SETBP1: variants seen among roughly 807,000 people sequenced by gnomAD.
SETBP1 encodes SET binding protein 1.
In SETBP1, 9 loss-of-function variants were observed where a neutral mutation model predicts 101.0. The ratio of observed to expected loss-of-function variants is 0.09; its 90% CI spans 0.05 to 0.16. The LOEUF is 0.16. Ranked by LOEUF, SETBP1 falls within the 10% of genes least tolerant of loss-of-function variation. SETBP1 has a pLI of 1.00. For missense variants in SETBP1, 1,858 were observed against 2,033.8 expected, an observed-to-expected ratio of 0.91 and a Z score of 1.66; for synonymous variants, 818 against 788.5, an observed-to-expected ratio of 1.04 and a Z score of -0.63.
intron 2 of SETBP1, among the ~76,000 whole-genome samples, chr18:44,868,712 G>A (rs7241261): frequency 0.079 from 2,110 of 26,640 alleles, 239 homozygotes; most frequent in African/African-American, 0.2. Context: ...GGAAGGAAGG[G>A]AGGAAGGAAG....
At chr18:44,940,072 T>G (rs2071052549) in intron 3 of SETBP1, among the ~76,000 whole-genome samples, 1 of 152,180 alleles carries the variant, frequency 6.6e-6, no homozygotes, top group African/African-American at 2.4e-5. Context: ...ACAAACAAAT[T>G]TAGGATGATT....
chr18:44,855,550 G>T (rs2072958231), intron 2 of SETBP1, among the ~76,000 whole-genome samples: 1 of 152,154 alleles, frequency 6.6e-6, no homozygotes, highest in Non-Finnish European at 1.5e-5. Context: ...CACACCAGTG[G>T]TGCATTGGGG....
At chr18:44,867,688 C>T (rs1443576420) in intron 2 of SETBP1, among the ~76,000 whole-genome samples, 1 of 152,216 alleles carries the variant, frequency 6.6e-6, no homozygotes, top group Admixed American at 6.5e-5. Context: ...GCTGCCTGCC[C>T]CCAAGACACC....
At chr18:44,780,663 A>G (rs1402264173) in intron 2 of SETBP1, among the ~76,000 whole-genome samples, 1 of 152,204 alleles carries the variant, frequency 6.6e-6, no homozygotes, top group Non-Finnish European at 1.5e-5. Context: ...CAAGCTCTGT[A>G]CTAGACCCCA....
At chr18:44,906,318 G>A (rs1275058835) in intron 3 of SETBP1, among the ~76,000 whole-genome samples, 1 of 152,144 alleles carries the variant, frequency 6.6e-6, no homozygotes, top group Non-Finnish European at 1.5e-5. Flanking sequence ...TCTTCTGATA[G>A]TAGTCCTAGC....
At chr18:44,990,890 G>A (rs1338066843) in intron 4 of SETBP1, among the ~76,000 whole-genome samples, 2 of 70,466 alleles carry the variant, frequency 2.8e-5, no homozygotes, top group Non-Finnish European at 5.4e-5. Context: ...TAAACAGATA[G>A]AACTAAAGGT....
At chr18:44,887,632 G>C (rs1007101428) in intron 3 of SETBP1, among the ~76,000 whole-genome samples, 1 of 152,136 alleles carries the variant, frequency 6.6e-6, no homozygotes, top group African/African-American at 2.4e-5. Context: ...GTGTGCACAG[G>C]CTCAGGCCAA....
intron 4 of SETBP1, among the ~76,000 whole-genome samples, chr18:45,025,702 A>G (rs539973666): frequency 1.3e-5 from 2 of 152,364 alleles, no homozygotes; most frequent in East Asian, 3.9e-4. Flanking sequence ...CTCAAAAGAC[A>G]TGACTACTTA....
rs145996171 is a variant in SETBP1, at chr18:45,063,141, C to T, written c.4234C>T (p.Arg1412Trp). Reference protein sequence around the residue: ...REIEAIQCEVRKMCNYTKILS... With the variant: ...REIEAIQCEVWKMCNYTKILS... ...GATCGAAGCCATCCAGTGCGAAGTGCGGAAGATGTGCAACTACACCAAGAT... is the reference window on the plus strand; with the variant it reads ...GATCGAAGCCATCCAGTGCGAAGTGTGGAAGATGTGCAACTACACCAAGAT... Residue 1412 changes from arginine to tryptophan, a missense_variant, in exon 6 of 6, where the codon CGG becomes TGG. Arg to Trp is a moderately radical substitution (Grantham distance 101, BLOSUM62 -3). This residue lies in a region of SETBP1 where 417 missense variants were observed against 389.1 expected (regional missense o/e 1.07). Coordinates refer to ENST00000649279, the MANE Select transcript of SETBP1 (RefSeq NM_015559.3). 3.1e-6 allele frequency: 5 copies of T among 1,613,876 alleles called. No homozygotes were observed. Among genetic ancestry groups the T allele is most frequent in the Non-Finnish European group, 4.2e-6 (5 of 1,179,986 alleles).
intron 2 of SETBP1, among the ~76,000 whole-genome samples, chr18:44,751,586 T>C (rs1174233161): frequency 6.6e-6 from 1 of 152,262 alleles, no homozygotes; most frequent in Admixed American, 6.5e-5. Flanking sequence ...TTTGTCATTT[T>C]GTTTCTTGCA....
At chr18:44,702,850 G>A (rs2069141618) in intron 2 of SETBP1, among the ~76,000 whole-genome samples, 1 of 152,194 alleles carries the variant, frequency 6.6e-6, no homozygotes. Context: ...TGATTGGCCT[G>A]AATCTCTGTC....
chr18:44,739,030 A>G (rs967334043), intron 2 of SETBP1, among the ~76,000 whole-genome samples: 4 of 152,168 alleles, frequency 2.6e-5, no homozygotes, highest in Admixed American at 6.5e-5. Flanking sequence ...AGCTTCTAGA[A>G]GCTGCTGTCA....
chr18:44,973,811 G>A (rs371084566), intron 4 of SETBP1, among the ~76,000 whole-genome samples: 1 of 152,164 alleles, frequency 6.6e-6, no homozygotes, highest in East Asian at 1.9e-4. Flanking sequence ...CAGAGGAGGG[G>A]CAGACACGCC....
intron 2 of SETBP1, among the ~76,000 whole-genome samples, chr18:44,772,385 A>G (rs2070893001): frequency 6.6e-6 from 1 of 152,174 alleles, no homozygotes; most frequent in Non-Finnish European, 1.5e-5. Flanking sequence ...TGGAGAGCAC[A>G]GGGCTAGGCC....
intron 4 of SETBP1, among the ~76,000 whole-genome samples, chr18:45,033,001 T>TTA (rs2145472932): frequency 6.6e-6 from 1 of 152,312 alleles, no homozygotes; most frequent in Admixed American, 6.5e-5. Context: ...AATAAAATTT[T>TTA]TATTGACTTT....
intron 4 of SETBP1, among the ~76,000 whole-genome samples, chr18:44,983,672 G>C (rs2072164168): frequency 6.6e-6 from 1 of 152,126 alleles, no homozygotes; most frequent in Non-Finnish European, 1.5e-5. Context: ...TGCCAGCTGA[G>C]TGCTTTCTTC....
intron 1 of SETBP1, among the ~76,000 whole-genome samples, chr18:44,683,050 G>C (rs1467774684): frequency 6.6e-6 from 1 of 152,168 alleles, no homozygotes; most frequent in Admixed American, 6.5e-5. Context: ...AAGGTGGAGT[G>C]TCTGAGAGGC....
chr18:44,783,157 T>C (rs183422935), intron 2 of SETBP1, among the ~76,000 whole-genome samples: 1 of 152,330 alleles, frequency 6.6e-6, no homozygotes, highest in Admixed American at 6.5e-5. Context: ...AATAATGGAT[T>C]TGAAATTGCT....
Position 45,065,900 on chromosome 18 carries a change from A to G in SETBP1, c.*2202A>G, listed in dbSNP as rs1170644851. 2 of 152,252 alleles carry G rather than the reference A, an allele frequency of 1.3e-5. No individual in the cohort carries two copies. Among genetic ancestry groups the G allele is most frequent in the East Asian group, 3.8e-4 (2 of 5,206 alleles). The allele number at this position is 152,252 out of a possible 1,614,324, so 9.4% of individuals were successfully genotyped here. ...GTCACCTGAGAGGAAGGTTTAAATTAGTCCCTCTCACCCCACCATTGCTAT... is the reference window on the plus strand; with the variant it reads ...GTCACCTGAGAGGAAGGTTTAAATTGGTCCCTCTCACCCCACCATTGCTAT... On this transcript the variant is annotated 3_prime_UTR_variant, in exon 6 of 6. Coordinates refer to ENST00000649279, the MANE Select transcript of SETBP1 (RefSeq NM_015559.3).
Sources: allele counts gnomAD v4.1 joint callset (sites outside exome capture counted in the v4.1 genomes callset), GRCh38; gene constraint gnomAD v4.1.1; regional missense constraint gnomAD v4.1.1; transcripts MANE v1.5; gene names NCBI Gene and HGNC (gene_info 2026-07-23, HGNC 2026-07-21).